Variants in MCC observed in about 807,000 individuals in gnomAD.
The protein encoded by MCC is colorectal mutant cancer protein.
In MCC, 90 loss-of-function variants were observed where a neutral mutation model predicts 116.2. That is an observed-to-expected ratio of 0.77 (90% CI 0.65 to 0.92). The LOEUF (loss-of-function observed/expected upper bound fraction) is 0.92. Ranked by LOEUF, MCC falls within the 40% of genes least tolerant of loss-of-function variation. The pLI is 0.00. For synonymous variants in MCC, 578 were observed against 510.5 expected, an observed-to-expected ratio of 1.13 and a Z score of -1.78; for missense variants, 1,516 against 1,312.2, an observed-to-expected ratio of 1.16 and a Z score of -2.40.
intron 3 of MCC, among the ~76,000 whole-genome samples, chr5:113,330,028 G>T (rs898789962): frequency 2.0e-5 from 3 of 152,186 alleles, no homozygotes; most frequent in Non-Finnish European, 2.9e-5. Context: ...GTAATTAATT[G>T]CAGTCTAACT....
At chr5:113,482,962 T>C (rs1323621803) in intron 1 of MCC, among the ~76,000 whole-genome samples, 2 of 152,220 alleles carry the variant, frequency 1.3e-5, no homozygotes, top group Non-Finnish European at 2.9e-5. Context: ...TTCATTCTTT[T>C]ATATGTGACT....
At chr5:113,309,221 T>C (rs1767076434) in intron 3 of MCC, among the ~76,000 whole-genome samples, 1 of 152,220 alleles carries the variant, frequency 6.6e-6, no homozygotes, top group Non-Finnish European at 1.5e-5. Flanking sequence ...GCTTTAGAGG[T>C]ACAAGTGATT....
intron 11 of MCC, among the ~76,000 whole-genome samples, chr5:113,077,558 T>C (rs1307278614): frequency 6.6e-6 from 1 of 152,142 alleles, no homozygotes. Flanking sequence ...GAATGACTAC[T>C]GGGTACATAA....
intron 3 of MCC, among the ~76,000 whole-genome samples, chr5:113,287,653 AT>A (rs1261060841): frequency 6.6e-6 from 1 of 152,152 alleles, no homozygotes; most frequent in African/African-American, 2.4e-5. Flanking sequence ...TTTGCTATAA[AT>A]GCAGGTTTGA....
At chr5:113,104,052 C>T (rs889773704) in intron 7 of MCC, 140 bp downstream of exon 7, 8 of 831,596 alleles carry the variant, frequency 9.6e-6, no homozygotes, top group African/African-American at 5.1e-5. Flanking sequence ...GCTTCTACAC[C>T]GTGGCTCAAT....
At position 113,151,292 on chromosome 5, in the gene MCC, CT is replaced by C; in HGVS notation, c.741+16del. ...CAAAAAACAAAAGCAAACTAAAAAC[CT>C]TTCCAGATCCCTTACCTGTGCCTTG... On this transcript the variant is annotated intron_variant, in intron 4 of 18. Coordinates refer to ENST00000408903, the MANE Select transcript of MCC (RefSeq NM_001085377.2). The C allele has an allele frequency of 6.6e-7, 1 of 1,509,990 alleles. No homozygotes were observed. Among genetic ancestry groups the C allele is most frequent in the Non-Finnish European group, 9.1e-7 (1 of 1,100,374 alleles). The allele number at this position is 1,509,990 out of a possible 1,614,324, so 93.5% of individuals were successfully genotyped here. A position where few individuals can be genotyped will look rare whatever the true frequency, so the allele number is the denominator to read the frequency against.
intron 1 of MCC, chr5:113,399,814 C>T (rs992535852): frequency 6.6e-6 from 1 of 152,190 alleles, no homozygotes; most frequent in Admixed American, 6.5e-5. Flanking sequence ...AAAGCACCAG[C>T]TTTGCCTTCT....
At chr5:113,355,954 A>C (rs1157000385) in intron 2 of MCC, among the ~76,000 whole-genome samples, 1 of 152,104 alleles carries the variant, frequency 6.6e-6, no homozygotes, top group African/African-American at 2.4e-5. Context: ...TAGACATCCA[A>C]AGCACTCCCT....
chr5:113,182,973 T>A (rs894952490), intron 3 of MCC, among the ~76,000 whole-genome samples: 1 of 152,202 alleles, frequency 6.6e-6, no homozygotes, highest in African/African-American at 2.4e-5. Flanking sequence ...TCAGGAAGAT[T>A]TTCTTGGAGA....
chr5:113,284,353 G>A (rs1766166062), intron 3 of MCC, among the ~76,000 whole-genome samples: 1 of 152,204 alleles, frequency 6.6e-6, no homozygotes, highest in Non-Finnish European at 1.5e-5. Context: ...GCAGGTTGGT[G>A]TTTCTATGCC....
chr5:113,051,724 A>G (rs1159659523), intron 15 of MCC, among the ~76,000 whole-genome samples: 1 of 127,412 alleles, frequency 7.8e-6, no homozygotes, highest in Non-Finnish European at 1.8e-5. Flanking sequence ...ACCCTGTTTC[A>G]AAACAACAAA....
At chr5:113,227,676 A>G (rs2150332565) in intron 3 of MCC, among the ~76,000 whole-genome samples, 1 of 152,330 alleles carries the variant, frequency 6.6e-6, no homozygotes, top group South Asian at 2.1e-4. Context: ...CAATATGGGG[A>G]TGGCTTATAA....
At chr5:113,232,830 G>A (rs1261340695) in intron 3 of MCC, among the ~76,000 whole-genome samples, 1 of 152,044 alleles carries the variant, frequency 6.6e-6, no homozygotes, top group Non-Finnish European at 1.5e-5. Context: ...AGATGGTCTG[G>A]GCTTAAAGCC....
rs1357114854 is a variant in MCC, at chr5:113,312,648, G to T, written c.627+27871C>A. On this transcript the variant is annotated intron_variant, in intron 3 of 18. Coordinates refer to ENST00000408903, the MANE Select transcript of MCC (RefSeq NM_001085377.2). Reference sequence around the variant, plus strand: ...AAAGGCTTTGTAGATGATGTGAAGGGTTTAAGACTTGATCCAAAGAACTAT... The same window carrying T: ...AAAGGCTTTGTAGATGATGTGAAGGTTTTAAGACTTGATCCAAAGAACTAT... 2.0e-5 allele frequency among the ~76,000 whole-genome samples: 3 copies of T among 152,180 alleles called. No homozygotes were observed. In the East Asian group the frequency reaches 5.8e-4, roughly 29 times the overall value.
At chr5:113,343,411 A>G (rs1466310330) in intron 2 of MCC, among the ~76,000 whole-genome samples, 1 of 152,186 alleles carries the variant, frequency 6.6e-6, no homozygotes, top group Non-Finnish European at 1.5e-5. Context: ...CTTAACATAG[A>G]CTGCCAAATG....
chr5:113,241,214 G>T (rs1764351471), intron 3 of MCC, among the ~76,000 whole-genome samples: 1 of 152,172 alleles, frequency 6.6e-6, no homozygotes, highest in Non-Finnish European at 1.5e-5. Context: ...AAATGTAGCA[G>T]ATTGACTACA....
chr5:113,271,163 G>A (rs577008771), intron 3 of MCC, among the ~76,000 whole-genome samples: 2 of 152,172 alleles, frequency 1.3e-5, no homozygotes, highest in African/African-American at 4.8e-5. Context: ...TCTAAGCACA[G>A]AATTGCAAGG....
intron 8 of MCC, among the ~76,000 whole-genome samples, chr5:113,088,139 T>A (rs1393630997): frequency 6.6e-6 from 1 of 152,172 alleles, no homozygotes; most frequent in East Asian, 1.9e-4. Flanking sequence ...CTATGCTTTA[T>A]TATTTAATGA....
chr5:113,161,057 A>T (rs1760455686), intron 3 of MCC, among the ~76,000 whole-genome samples: 1 of 152,244 alleles, frequency 6.6e-6, no homozygotes, highest in African/African-American at 2.4e-5. Flanking sequence ...AGACAATAGT[A>T]GCTATTAAAA....
Sources: allele counts gnomAD v4.1 joint callset (sites outside exome capture counted in the v4.1 genomes callset), GRCh38; gene constraint gnomAD v4.1.1; transcripts MANE v1.5; gene names NCBI Gene and HGNC (gene_info 2026-07-23, HGNC 2026-07-21).